Variants in NPHP4 observed in about 807,000 individuals in gnomAD.
NPHP4 encodes nephrocystin 4, also known as nephrocystin-4.
A neutral mutation model predicts 155.8 loss-of-function variants in NPHP4; 151 were observed. The ratio of observed to expected loss-of-function variants is 0.97; its 90% CI spans 0.85 to 1.11. The LOEUF (loss-of-function observed/expected upper bound fraction) is 1.11, where lower values mean the gene tolerates loss of function less well. Ranked by LOEUF, NPHP4 falls within the 50% of genes least tolerant of loss-of-function variation. NPHP4 has a pLI of 0.00. For missense variants in NPHP4, 1,956 were observed against 1,925.7 expected, an observed-to-expected ratio of 1.02 and a Z score of -0.29; for synonymous variants, 845 against 816.8, an observed-to-expected ratio of 1.03 and a Z score of -0.59.
At chr1:5,920,675 T>C (rs1000128930) in intron 11 of NPHP4, among the ~76,000 whole-genome samples, 1 of 152,242 alleles carries the variant, frequency 6.6e-6, no homozygotes, top group Non-Finnish European at 1.5e-5. Flanking sequence ...TTTTCTTTTC[T>C]GTTGTTTATC....
intron 2 of NPHP4, among the ~76,000 whole-genome samples, chr1:5,980,493 G>C (rs1241003567): frequency 6.6e-6 from 1 of 152,232 alleles, no homozygotes; most frequent in Non-Finnish European, 1.5e-5. Context: ...GCCAGGGAGA[G>C]ATTCTAAGCA....
chr1:5,913,703 G>T, intron 11 of NPHP4, among the ~76,000 whole-genome samples: 1 of 152,306 alleles, frequency 6.6e-6, no homozygotes, highest in East Asian at 1.9e-4. Context: ...CATTCCACAC[G>T]CAAGAGAGAC....
intron 18 of NPHP4, 82 bp from the exon 19 acceptor site, chr1:5,880,321 TGTGGC>T: frequency 6.7e-7 from 1 of 1,483,220 alleles, no homozygotes; most frequent in Non-Finnish European, 9.3e-7. Context: ...CATAAGCGGC[TGTGGC>T]TTTCAAATGG....
At chr1:5,881,454 C>T (rs750094282) in intron 18 of NPHP4, 3 of 152,266 alleles carry the variant, frequency 2.0e-5, no homozygotes, top group Admixed American at 6.5e-5. Flanking sequence ...CCCTCTACAT[C>T]CCAGGGAACA....
In NPHP4 at chr1:5,863,248, A is replaced by G. The variant is rs202146493; in HGVS notation, c.*17T>C. On this transcript the variant is annotated 3_prime_UTR_variant, in exon 30 of 30. Transcript: ENST00000378156. Reference sequence around the variant, plus strand: ...GCCCCAGCTGGGTGCCGCAGGAAGGACGTCACCCTCAAGCCCTCACTGGTA... The same window carrying G: ...GCCCCAGCTGGGTGCCGCAGGAAGGGCGTCACCCTCAAGCCCTCACTGGTA... The G allele has an allele frequency of 6.2e-7, 1 of 1,613,658 alleles. No homozygotes were observed. Among genetic ancestry groups the G allele is most frequent in the Non-Finnish European group, 8.5e-7 (1 of 1,179,668 alleles).
At chr1:5,980,102 C>A (rs764380128) in intron 2 of NPHP4, among the ~76,000 whole-genome samples, 1 of 152,142 alleles carries the variant, frequency 6.6e-6, no homozygotes, top group African/African-American at 2.4e-5. Flanking sequence ...CCTTGGCCAA[C>A]GCAAGCCCGT....
chr1:5,955,238 T>C (rs1409242896), intron 6 of NPHP4, among the ~76,000 whole-genome samples: 4 of 152,086 alleles, frequency 2.6e-5, no homozygotes, highest in Non-Finnish European at 1.5e-5. Flanking sequence ...AAAATAAGCA[T>C]TGGTGAGGAC....
At chr1:5,954,691 T>C (rs1360683155) in intron 6 of NPHP4, among the ~76,000 whole-genome samples, 1 of 152,142 alleles carries the variant, frequency 6.6e-6, no homozygotes, top group East Asian at 1.9e-4. Flanking sequence ...TATATAAAAG[T>C]CAACTCAAAA....
At chr1:5,864,133 G>A (rs1002792654) in intron 28 of NPHP4, 100 bp from the exon 29 acceptor site, 3 of 1,392,506 alleles carry the variant, frequency 2.2e-6, no homozygotes, top group African/African-American at 1.4e-5. Context: ...ACCGTGCACG[G>A]GGACCCCCAC....
intron 1 of NPHP4, among the ~76,000 whole-genome samples, chr1:5,989,922 A>C (rs1413413362): frequency 3.9e-5 from 6 of 152,214 alleles, no homozygotes; most frequent in East Asian, 3.8e-4. Flanking sequence ...AAGGGCATCC[A>C]TTCCGAAAGC....
chr1:5,943,025 A>G lies in NPHP4; in HGVS notation c.1119+4079T>C, dbSNP rs1035704960. 1.3e-5 allele frequency among the ~76,000 whole-genome samples: 2 copies of G among 152,180 alleles called. 1 individual carries two copies. Among genetic ancestry groups the G allele is most frequent in the Non-Finnish European group, 2.9e-5 (2 of 68,030 alleles). Reference sequence around the variant, plus strand: ...TCATTCAGTCAGCAAACATTTCTGGAGCCCACACTTGCATGCATAAGACAT... The same window carrying G: ...TCATTCAGTCAGCAAACATTTCTGGGGCCCACACTTGCATGCATAAGACAT... On this transcript the variant is annotated intron_variant, in intron 9 of 29. Transcript: ENST00000378156.
intron 11 of NPHP4, among the ~76,000 whole-genome samples, chr1:5,916,851 C>T (rs1298093847): frequency 1.3e-5 from 2 of 152,240 alleles, no homozygotes; most frequent in Admixed American, 1.3e-4. Context: ...CTACTAAAAG[C>T]ACAGCAGGCT....
At chr1:5,991,918 A>AGGCCAGG (rs1169055311) in intron 1 of NPHP4, among the ~76,000 whole-genome samples, 1 of 52,602 alleles carries the variant, frequency 1.9e-5, no homozygotes, top group Non-Finnish European at 3.3e-5. Context: ...GGCTGCAGAG[A>AGGCCAGG]GGCCAGGGGG....
chr1:5,901,350 C>T (rs1644672638), intron 16 of NPHP4, among the ~76,000 whole-genome samples: 1 of 152,222 alleles, frequency 6.6e-6, no homozygotes, highest in South Asian at 2.1e-4. Context: ...GAACCATGCC[C>T]GTCCAGGGAG....
Position 5,909,233 on chromosome 1 carries a change from G to A in NPHP4, c.1442-20C>T. The A allele has an allele frequency of 6.3e-7, 1 of 1,590,850 alleles. No individual in the cohort carries two copies. Among genetic ancestry groups the A allele is most frequent in the Non-Finnish European group, 8.6e-7 (1 of 1,167,144 alleles). On this transcript the variant is annotated intron_variant, in intron 11 of 29. Transcript: ENST00000378156. ...GCGGGCCTGGGAGGAAGCACAGTGG[G>A]GTAGGAGAGGGAATGTGTCAGCCTG...
chr1:5,979,107 G>C (rs1654217974), intron 2 of NPHP4, among the ~76,000 whole-genome samples: 1 of 152,196 alleles, frequency 6.6e-6, no homozygotes, highest in African/African-American at 2.4e-5. Context: ...ACCACTTACA[G>C]CAAGTATTGC....
intron 10 of NPHP4, among the ~76,000 whole-genome samples, chr1:5,929,232 C>T (rs1224546401): frequency 7.2e-5 from 11 of 152,178 alleles, no homozygotes; most frequent in African/African-American, 1.9e-4. Context: ...TAGACAATCA[C>T]GTTTTCTGCA....
chr1:5,927,733 C>A lies in NPHP4; in HGVS notation c.1357G>T (p.Glu453Ter), dbSNP rs1210874691. ...GGCTCCGTGGGTGCATCCAGGTGTT[C>A]TTCTGAGCCCAGCGAGAACTGGAAC... is the stretch of plus-strand genomic sequence containing the variant. ...LRFQFSLGSE[E>*]HLDAPTEPVS... is the part of the protein sequence containing the mutation. Residue 453 changes from glutamate to a stop codon, truncating the protein, a stop_gained, in exon 11 of 30, where the codon GAA becomes TAA. Coordinates refer to ENST00000378156, the MANE Select transcript of NPHP4 (RefSeq NM_015102.5). LOFTEE classifies it high-confidence loss of function. 3.1e-6 allele frequency: 5 copies of A among 1,613,482 alleles called. No homozygotes were observed. In the African/African-American group the frequency reaches 5.3e-5, roughly 17 times the overall value.
At chr1:5,941,289 C>CAAAAAAAAAAAAAAAAAAAAAAAAAAAAA (rs66676950) in intron 9 of NPHP4, among the ~76,000 whole-genome samples, 1 of 44,776 alleles carries the variant, frequency 2.2e-5, no homozygotes, top group Non-Finnish European at 3.7e-5. Context: ...GAGATCTAGA[C>CAAAAAAAAAAAAAAAAAAAAAAAAAAAAA]AAAAAAAAAA....
Sources: allele counts gnomAD v4.1 joint callset (sites outside exome capture counted in the v4.1 genomes callset), GRCh38; gene constraint gnomAD v4.1.1; transcripts MANE v1.5; gene names NCBI Gene and HGNC (gene_info 2026-07-23, HGNC 2026-07-21).